Variants in BCAR3 observed in about 807,000 individuals in gnomAD.
BCAR3 encodes the protein BCAR3 adaptor protein, NSP family member.
In BCAR3, 37 loss-of-function variants were observed where a neutral mutation model predicts 80.1. The observed-to-expected ratio is 0.46, with a 90% CI of 0.36 to 0.61. The LOEUF (loss-of-function observed/expected upper bound fraction) is 0.61, where lower values mean the gene tolerates loss of function less well. Among genes scored for constraint, BCAR3 ranks in the 20% least tolerant of loss-of-function variants. BCAR3 has a pLI of 0.00. For missense variants in BCAR3, 978 were observed against 1,068.2 expected (o/e 0.92, Z 1.18); for synonymous variants, 389 against 418.9 (o/e 0.93, Z 0.87).
intron 3 of BCAR3, among the ~76,000 whole-genome samples, chr1:93,616,196 G>T (rs1216362270): frequency 6.6e-6 from 1 of 152,084 alleles, no homozygotes; most frequent in Non-Finnish European, 1.5e-5. Flanking sequence ...AATACCCAAA[G>T]AATTTGTTCC....
chr1:93,676,712 C>T (rs1202160911), intron 1 of BCAR3, among the ~76,000 whole-genome samples: 1 of 152,214 alleles, frequency 6.6e-6, no homozygotes, highest in African/African-American at 2.4e-5. Flanking sequence ...TTCTTCCACC[C>T]TACACACACA....
intron 2 of BCAR3, among the ~76,000 whole-genome samples, chr1:93,654,916 T>C (rs900142618): frequency 2.0e-5 from 3 of 152,236 alleles, no homozygotes; most frequent in African/African-American, 4.8e-5. Flanking sequence ...CCTGATATTA[T>C]AGTAAATGTC....
At chr1:93,659,237 TG>T (rs1410930719) in intron 2 of BCAR3, among the ~76,000 whole-genome samples, 1 of 152,198 alleles carries the variant, frequency 6.6e-6, no homozygotes, top group Non-Finnish European at 1.5e-5. Context: ...TGGAGTGCAG[TG>T]GTGCAACATT....
rs542033774 is a variant in BCAR3 at position 93,639,563 on chromosome 1, G to A, written c.357+2741C>T. ...GCGACTTCAGCTCACTGCAACCTCC[G>A]CCTCCCAGGTTCAAGCAATTCTCCT... is the stretch of plus-strand genomic sequence containing the variant. On this transcript the variant is annotated intron_variant, in intron 3 of 11. Coordinates refer to ENST00000260502, the MANE Select transcript of BCAR3 (RefSeq NM_003567.4). Among the ~76,000 whole-genome samples, 10 of 146,824 alleles carry A rather than the reference G, an allele frequency of 6.8e-5. No individual in the cohort carries two copies. The East Asian group carries it at 1.8e-3, about 27-fold the overall frequency.
intron 2 of BCAR3, among the ~76,000 whole-genome samples, chr1:93,822,342 A>G (rs1282398903): frequency 7.9e-6 from 1 of 126,366 alleles, no homozygotes; most frequent in Non-Finnish European, 1.5e-5. Flanking sequence ...TCGCATGGCT[A>G]ATTTTTTTTT....
chr1:93,738,311 A>G (rs746227684), intron 2 of BCAR3, among the ~76,000 whole-genome samples: 8 of 152,256 alleles, frequency 5.3e-5, no homozygotes, highest in Non-Finnish European at 8.8e-5. Flanking sequence ...CTGACACTCA[A>G]TACTTTCATG....
chr1:93,595,482 T>C (rs1238134093), intron 3 of BCAR3, among the ~76,000 whole-genome samples: 2 of 152,292 alleles, frequency 1.3e-5, no homozygotes, highest in Non-Finnish European at 1.5e-5. Context: ...ATGTGGACAA[T>C]GTCTCCCAGA....
chr1:93,835,798 T>C (rs973673393), intron 2 of BCAR3, among the ~76,000 whole-genome samples: 3 of 152,160 alleles, frequency 2.0e-5, no homozygotes, highest in Non-Finnish European at 4.4e-5. Flanking sequence ...GTCAGGAAAC[T>C]AAAATACCTC....
chr1:93,578,689 T>A (rs1673568002), intron 7 of BCAR3, among the ~76,000 whole-genome samples: 1 of 152,090 alleles, frequency 6.6e-6, no homozygotes, highest in Admixed American at 6.5e-5. Flanking sequence ...GTTTCCCACC[T>A]GGGTTGTGGC....
intron 9 of BCAR3, among the ~76,000 whole-genome samples, chr1:93,569,893 GGCTTTA>G (rs1673138394): frequency 6.6e-6 from 1 of 152,202 alleles, no homozygotes. Context: ...TGGGCTGGAA[GGCTTTA>G]CCCACAGCCT....
At chr1:93,826,879 C>G (rs1654391855) in intron 2 of BCAR3, among the ~76,000 whole-genome samples, 1 of 151,974 alleles carries the variant, frequency 6.6e-6, no homozygotes, top group African/African-American at 2.4e-5. Context: ...GGTTCCTGTT[C>G]AGGCTAAGCA....
rs149044052 is a variant in BCAR3, at chr1:93,801,880, G to T, written c.-63+43687C>A. Among the ~76,000 whole-genome samples, 729 of 152,292 alleles carry T rather than the reference G, an allele frequency of 4.8e-3. 6 individuals carry two copies. The highest frequency in any genetic ancestry group is 0.014 in the African/African-American group (579 of 41,568). On this transcript the variant is annotated intron_variant, in intron 2 of 13. Coordinates refer to the BCAR3 transcript ENST00000370244. ...CATGTCTGTAATCCCAGCACTTTGG[G>T]AGGCCAAGATGGGTAGATCATGAGG...
chr1:93,772,170 T>C (rs1168432466), intron 2 of BCAR3, among the ~76,000 whole-genome samples: 1 of 152,196 alleles, frequency 6.6e-6, no homozygotes, highest in Non-Finnish European at 1.5e-5. Context: ...GGACATTGTA[T>C]GAGATTCTAT....
intron 3 of BCAR3, among the ~76,000 whole-genome samples, chr1:93,701,469 T>C (rs1401024451): frequency 6.6e-6 from 1 of 152,214 alleles, no homozygotes; most frequent in African/African-American, 2.4e-5. Flanking sequence ...AGAAAAGCCC[T>C]AAAGATGCCT....
Position 93,642,300 on chromosome 1 carries a change from C to T in BCAR3, c.357+4G>A, listed in dbSNP as rs1343563913. On this transcript the variant is annotated splice_donor_region_variant and intron_variant, in intron 3 of 11. Transcript: ENST00000260502. The stretch of plus-strand genomic sequence containing the variant: ...CGGCTACATGTTTAATTCTCATTTC[C>T]TACCTTCACATATTCCACAGTTGGG... The T allele has an allele frequency of 6.2e-6, 10 of 1,613,450 alleles. No individual in the cohort carries two copies. The East Asian group carries it at 1.3e-4, about 22-fold the overall frequency.
Position 93,681,692 on chromosome 1 carries a change from G to GC in BCAR3, c.-107dup, listed in dbSNP as rs1304089747. ...GCGCGGCCGGCCTCGCACCGCCCGC[G>GC]CCGCGGCTGCTCCCGGAGCTGGGGA... On this transcript the variant is annotated 5_prime_UTR_variant, in exon 1 of 12. An upstream open reading frame in the 5' UTR loses its in-frame stop. Coordinates refer to ENST00000260502, the MANE Select transcript of BCAR3 (RefSeq NM_003567.4). 1 of 151,612 alleles carries GC rather than the reference G, an allele frequency of 6.6e-6. No individual in the cohort carries two copies. The highest frequency in any genetic ancestry group is 6.6e-5 in the Admixed American group (1 of 15,242). 9.4% of individuals were successfully genotyped at this position (151,612 alleles called of 1,614,324 possible).
intron 2 of BCAR3, among the ~76,000 whole-genome samples, chr1:93,714,704 C>CTT (rs374499120): frequency 1.3e-4 from 19 of 145,010 alleles, no homozygotes; most frequent in African/African-American, 4.3e-4. Context: ...GACCGCCTTT[C>CTT]TTTTTTTTTT....
At chr1:93,576,625 T>C (rs1167422677) in intron 7 of BCAR3, among the ~76,000 whole-genome samples, 3 of 152,212 alleles carry the variant, frequency 2.0e-5, no homozygotes, top group Admixed American at 6.5e-5. Flanking sequence ...ATTACGCTTC[T>C]CCTGGGCTCA....
chr1:93,791,232 G>A (rs1225784217), intron 2 of BCAR3, among the ~76,000 whole-genome samples: 1 of 73,960 alleles, frequency 1.4e-5, no homozygotes, highest in Non-Finnish European at 2.3e-5. Context: ...TCGCCACACT[G>A]ACTTCCACAA....
Sources: allele counts gnomAD v4.1 joint callset (sites outside exome capture counted in the v4.1 genomes callset), GRCh38; gene constraint gnomAD v4.1.1; transcripts MANE v1.5; gene names NCBI Gene and HGNC (gene_info 2026-07-23, HGNC 2026-07-21).